PRKCB: variants seen among roughly 807,000 people sequenced by gnomAD.
The protein encoded by PRKCB is protein kinase C beta type.
A neutral mutation model predicts 81.5 loss-of-function variants in PRKCB; 13 were observed. The ratio of observed to expected loss-of-function variants is 0.16; its 90% CI spans 0.10 to 0.25. The LOEUF (loss-of-function observed/expected upper bound fraction) is 0.25, where lower values mean the gene tolerates loss of function less well. Among genes scored for constraint, PRKCB ranks in the 10% least tolerant of loss-of-function variants. The pLI is 1.00. For missense variants in PRKCB, 509 were observed against 875.7 expected, an observed-to-expected ratio of 0.58 and a Z score of 5.29; for synonymous variants, 335 against 321.4, an observed-to-expected ratio of 1.04 and a Z score of -0.45.
chr16:24,214,584 G>A, intron 16 of PRKCB, 74 bp from the exon 17 acceptor site: 1 of 1,261,320 alleles, frequency 7.9e-7, no homozygotes, highest in Non-Finnish European at 1.1e-6. Flanking sequence ...ATTATGCTAG[G>A]TTCTGTTTTA....
At chr16:24,174,858 A>G in intron 12 of PRKCB, 1 of 361,358 alleles carries the variant, frequency 2.8e-6, no homozygotes, top group East Asian at 4.3e-5. Context: ...ACTCACAGAG[A>G]GGACCTCAGT....
At chr16:23,872,675 T>C (rs1464620287) in intron 2 of PRKCB, among the ~76,000 whole-genome samples, 2 of 152,134 alleles carry the variant, frequency 1.3e-5, no homozygotes, top group Non-Finnish European at 2.9e-5. Flanking sequence ...CCTACAAAAA[T>C]AGAGCAAAGT....
At chr16:23,933,773 TC>T (rs1159976886) in intron 2 of PRKCB, among the ~76,000 whole-genome samples, 1 of 86,866 alleles carries the variant, frequency 1.2e-5, no homozygotes, top group Non-Finnish European at 2.4e-5. Context: ...ATCCACTCCA[TC>T]CATCCATCCA....
At chr16:24,203,550 C>G (rs191176186) in intron 16 of PRKCB, among the ~76,000 whole-genome samples, 34 of 152,290 alleles carry the variant, frequency 2.2e-4, no homozygotes, top group African/African-American at 7.9e-4. Flanking sequence ...CACATTCAAA[C>G]CATATCACCA....
intron 2 of PRKCB, among the ~76,000 whole-genome samples, chr16:23,967,690 T>C (rs1025547030): frequency 5.3e-5 from 8 of 152,142 alleles, no homozygotes; most frequent in African/African-American, 1.9e-4. Flanking sequence ...TCTCATTCTG[T>C]CACATAGGCT....
At chr16:24,185,320 C>A in intron 14 of PRKCB, 129 bp downstream of exon 14, 1 of 1,192,298 alleles carries the variant, frequency 8.4e-7, no homozygotes, top group Non-Finnish European at 1.2e-6. Flanking sequence ...GCCTTGGGGT[C>A]ATACAAGTCT....
rs1488064223 is a variant in PRKCB at position 24,021,343 on chromosome 16, CTTCCTTCCTTCCTCCT to C, written c.289-10791_289-10776del. Among the ~76,000 whole-genome samples the C allele has an allele frequency of 1.5e-3, 114 of 74,634 alleles. 13 individuals carry two copies. The highest frequency in any genetic ancestry group is 2.1e-3 in the African/African-American group (31 of 14,526). The allele number at this position is 74,634 out of a possible 152,430, so 49.0% of individuals were successfully genotyped here. A position where few individuals can be genotyped will look rare whatever the true frequency, so the allele number is the denominator to read the frequency against. The stretch of plus-strand genomic sequence containing the variant: ...CCTTCCTTCCTTCCTTCCTTCCTTC[CTTCCTTCCTTCCTCCT>C]TCCCTCCCTCCCTCCCCCCTCCTCC... On this transcript the variant is annotated intron_variant, in intron 3 of 16. Coordinates refer to ENST00000643927, the MANE Select transcript of PRKCB (RefSeq NM_002738.7).
chr16:23,884,141 G>T (rs952376134), intron 2 of PRKCB, among the ~76,000 whole-genome samples: 2 of 152,194 alleles, frequency 1.3e-5, no homozygotes, highest in Non-Finnish European at 2.9e-5. Context: ...CATATTGGTA[G>T]CACAGTTATA....
intron 2 of PRKCB, among the ~76,000 whole-genome samples, chr16:23,981,600 C>CTTCCCTTTCCT (rs199914839): frequency 1.3e-5 from 2 of 149,606 alleles, no homozygotes; most frequent in African/African-American, 2.5e-5. Flanking sequence ...CTTCCCTTCC[C>CTTCCCTTTCCT]TTCCCTTTCC....
At chr16:24,141,469 T>G (rs1369760408) in intron 9 of PRKCB, among the ~76,000 whole-genome samples, 1 of 152,234 alleles carries the variant, frequency 6.6e-6, no homozygotes, top group Non-Finnish European at 1.5e-5. Context: ...GTGCTGGGAT[T>G]ACAGGCGTGA....
chr16:23,855,674 A>G (rs1307386129), intron 2 of PRKCB, among the ~76,000 whole-genome samples: 1 of 152,232 alleles, frequency 6.6e-6, no homozygotes, highest in South Asian at 2.1e-4. Flanking sequence ...AACAACATCT[A>G]TAAGGGATAG....
chr16:23,970,561 T>G (rs1192755085), intron 2 of PRKCB, among the ~76,000 whole-genome samples: 1 of 152,262 alleles, frequency 6.6e-6, no homozygotes, highest in East Asian at 1.9e-4. Flanking sequence ...CTTCCCATTT[T>G]TCTTCAAAGG....
chr16:23,857,874 A>G (rs1286377040), intron 2 of PRKCB, among the ~76,000 whole-genome samples: 2 of 152,038 alleles, frequency 1.3e-5, no homozygotes, highest in African/African-American at 2.4e-5. Flanking sequence ...TTGAGTACTC[A>G]CTCGGTGACT....
chr16:23,971,287 G>A (rs1018720754), intron 2 of PRKCB, among the ~76,000 whole-genome samples: 2 of 152,172 alleles, frequency 1.3e-5, no homozygotes, highest in African/African-American at 2.4e-5. Flanking sequence ...GCGGGCAATC[G>A]TGATCGCCAT....
intron 8 of PRKCB, among the ~76,000 whole-genome samples, chr16:24,116,680 A>G (rs1966740893): frequency 6.6e-6 from 1 of 152,220 alleles, no homozygotes; most frequent in Non-Finnish European, 1.5e-5. Context: ...AAAACTGGAT[A>G]CTGTTTGATA....
At chr16:23,940,645 C>T (rs1307789342) in intron 2 of PRKCB, among the ~76,000 whole-genome samples, 4 of 151,718 alleles carry the variant, frequency 2.6e-5, no homozygotes, top group East Asian at 1.9e-4. Context: ...ATATATATCA[C>T]GCATATATTT....
chr16:24,220,090 C>G lies in PRKCB; in HGVS notation c.*5274C>G, dbSNP rs747003127. 1 of 1,614,104 alleles carries G rather than the reference C, an allele frequency of 6.2e-7. No individual in the cohort carries two copies. Among genetic ancestry groups the G allele is most frequent in the Admixed American group, 1.7e-5 (1 of 60,016 alleles). On this transcript the variant is annotated 3_prime_UTR_variant, in exon 17 of 17. Transcript: ENST00000643927. Reference sequence around the variant, plus strand: ...ATTTGCTGGCTTCTCTTATACTAACCCAGAGTTTGTCATTAATGTGTAGGT... The same window carrying G: ...ATTTGCTGGCTTCTCTTATACTAACGCAGAGTTTGTCATTAATGTGTAGGT...
At chr16:23,962,800 T>A in intron 2 of PRKCB, among the ~76,000 whole-genome samples, 1 of 152,056 alleles carries the variant, frequency 6.6e-6, no homozygotes, top group South Asian at 2.1e-4. Context: ...TTTGGTTACA[T>A]GGATAAGTTC....
rs116745030 is a variant in PRKCB, at chr16:24,148,505, A to G, written c.1066-6179A>G. Among the ~76,000 whole-genome samples the G allele has an allele frequency of 5.8e-3, 883 of 152,346 alleles. 9 individuals are homozygous for G. The highest frequency in any genetic ancestry group is 0.02 in the African/African-American group (828 of 41,576). ...AATTGTCTAGTCTTCTAGGTGCTGG[A>G]TAAAACTAGGAAAGTTGATGCATTT... On this transcript the variant is annotated intron_variant, in intron 9 of 16. Coordinates refer to ENST00000643927, the MANE Select transcript of PRKCB (RefSeq NM_002738.7).
Sources: allele counts gnomAD v4.1 joint callset (sites outside exome capture counted in the v4.1 genomes callset), GRCh38; gene constraint gnomAD v4.1.1; transcripts MANE v1.5; gene names NCBI Gene and HGNC (gene_info 2026-07-23, HGNC 2026-07-21).